Variants in DIP2C observed in about 807,000 individuals in gnomAD.
DIP2C encodes the protein DIP2 acetate--CoA ligase C (putative), also known as disco-interacting protein 2 homolog C.
DIP2C carries 33 observed loss-of-function variants against 192.4 expected under a neutral mutation model. That is an observed-to-expected ratio of 0.17 (90% CI 0.13 to 0.23). The LOEUF (loss-of-function observed/expected upper bound fraction) is 0.23. Ranked by LOEUF, DIP2C falls within the 10% of genes least tolerant of loss-of-function variation. DIP2C has a pLI of 1.00. For missense variants in DIP2C, 1,537 were observed against 2,110.1 expected (o/e 0.73, Z 5.32); for synonymous variants, 979 against 864.1 (o/e 1.13, Z -2.33).
intron 4 of DIP2C, among the ~76,000 whole-genome samples, chr10:431,455 A>C (rs990876325): frequency 6.6e-6 from 1 of 151,880 alleles, no homozygotes; most frequent in Admixed American, 6.6e-5. Flanking sequence ...TTTTTTTTAA[A>C]TTATTATTTT....
In DIP2C at chr10:379,410, T is replaced by C. The variant is rs117313222; in HGVS notation, c.1991+3237A>G. Among the ~76,000 whole-genome samples, 175 of 152,240 alleles carry C rather than the reference T, an allele frequency of 1.1e-3. No homozygotes were observed. In the East Asian group the frequency reaches 0.013, roughly 12 times the overall value. On this transcript the variant is annotated intron_variant, in intron 17 of 36. Transcript: ENST00000280886. ...TGTTTTGCATGACAGACATTCTATG[T>C]TGCTTGCAAGAGTGATATGAAGATA...
At chr10:557,135 C>A (rs768388424) in intron 1 of DIP2C, among the ~76,000 whole-genome samples, 3 of 152,226 alleles carry the variant, frequency 2.0e-5, no homozygotes, top group Non-Finnish European at 2.9e-5. Context: ...GACCAGCACT[C>A]CTATGTCTCT....
At chr10:595,203 T>TA in intron 1 of DIP2C, among the ~76,000 whole-genome samples, 1 of 152,022 alleles carries the variant, frequency 6.6e-6, no homozygotes, top group Admixed American at 6.6e-5. Flanking sequence ...ACAAAGAAAA[T>TA]ACTGTACAGC....
chr10:358,374 C>T (rs1959173680), intron 22 of DIP2C, among the ~76,000 whole-genome samples: 1 of 150,636 alleles, frequency 6.6e-6, no homozygotes, highest in Non-Finnish European at 1.5e-5. Context: ...GACAAACAGA[C>T]AGTGGACATT....
At chr10:531,221 TCA>T (rs1205451600) in intron 1 of DIP2C, among the ~76,000 whole-genome samples, 1 of 152,074 alleles carries the variant, frequency 6.6e-6, no homozygotes, top group Non-Finnish European at 1.5e-5. Context: ...CCGTAAACAT[TCA>T]GACATTCCAC....
chr10:602,585 G>A (rs1267820004), intron 1 of DIP2C, among the ~76,000 whole-genome samples: 1 of 152,130 alleles, frequency 6.6e-6, no homozygotes, highest in Non-Finnish European at 1.5e-5. Context: ...TGAGCAACAG[G>A]TCCTGGGGCA....
chr10:289,907 T>C (rs961306401), intron 32 of DIP2C, among the ~76,000 whole-genome samples: 4 of 152,192 alleles, frequency 2.6e-5, no homozygotes, highest in African/African-American at 4.8e-5. Context: ...CCTAGGGCTG[T>C]CTGCAGCCAG....
chr10:650,149 G>C lies in DIP2C; in HGVS notation c.85+39345C>G, dbSNP rs193136359. On this transcript the variant is annotated intron_variant, in intron 1 of 36. Transcript: ENST00000280886. ...GTTGGGACAAGGACCCCCCAGGAGA[G>C]AGAAGACCCCAGCAGAGTCAACACT... 160 of 717,438 alleles carry C rather than the reference G, an allele frequency of 2.2e-4. 1 individual carries two copies. The African/African-American group carries it at 2.4e-3, about 11-fold the overall frequency. 44.4% of individuals were successfully genotyped at this position (717,438 alleles called of 1,614,324 possible).
intron 19 of DIP2C, among the ~76,000 whole-genome samples, chr10:365,311 T>C (rs1293275572): frequency 2.6e-5 from 4 of 152,170 alleles, no homozygotes; most frequent in East Asian, 1.9e-4. Flanking sequence ...GATGGGAGGA[T>C]TGCTTGAGGC....
At chr10:407,346 T>C (rs1442996363) in intron 9 of DIP2C, among the ~76,000 whole-genome samples, 1 of 152,206 alleles carries the variant, frequency 6.6e-6, no homozygotes, top group Non-Finnish European at 1.5e-5. Flanking sequence ...TCCGTGGATT[T>C]GGGGTTGCTT....
chr10:540,081 T>C (rs1019555407), intron 1 of DIP2C, among the ~76,000 whole-genome samples: 1 of 152,234 alleles, frequency 6.6e-6, no homozygotes, highest in Non-Finnish European at 1.5e-5. Flanking sequence ...CCACTGCAAC[T>C]ACTGCTACTG....
At chr10:518,747 AGAC>A (rs1355556838) in intron 1 of DIP2C, among the ~76,000 whole-genome samples, 41 of 152,340 alleles carry the variant, frequency 2.7e-4, no homozygotes, top group African/African-American at 7.9e-4. Context: ...TAGCTGCCTG[AGAC>A]GACAATGCTC....
intron 31 of DIP2C, among the ~76,000 whole-genome samples, chr10:324,131 C>T (rs1469026697): frequency 1.3e-5 from 2 of 152,148 alleles, no homozygotes; most frequent in African/African-American, 4.8e-5. Flanking sequence ...CCTCTCACTG[C>T]TCGCTTTTAC....
chr10:521,799 G>A (rs188919086), intron 1 of DIP2C, among the ~76,000 whole-genome samples: 2 of 152,124 alleles, frequency 1.3e-5, no homozygotes, highest in African/African-American at 4.8e-5. Flanking sequence ...AGCGGTTTTC[G>A]GTTCATAGCA....
At chr10:414,747 A>ATATATATATATAATGTG in intron 7 of DIP2C, among the ~76,000 whole-genome samples, 1 of 119,968 alleles carries the variant, frequency 8.3e-6, no homozygotes, top group East Asian at 2.3e-4. Context: ...GTGTACATAT[A>ATATATATATATAATGTG]TATATATATA....
chr10:517,393 G>T (rs990890916), intron 1 of DIP2C, among the ~76,000 whole-genome samples: 4 of 152,174 alleles, frequency 2.6e-5, no homozygotes, highest in Admixed American at 6.5e-5. Flanking sequence ...TGAGTCAGCA[G>T]CTGTTTTCTG....
At chr10:390,679 CCG>C in intron 11 of DIP2C, 59 bp downstream of exon 11, 5 of 1,575,466 alleles carry the variant, frequency 3.2e-6, no homozygotes, top group Non-Finnish European at 4.3e-6. Flanking sequence ...TGACGTATTC[CCG>C]CACCCGTCTT....
chr10:580,298 T>C (rs1329509362), intron 1 of DIP2C, among the ~76,000 whole-genome samples: 1 of 152,160 alleles, frequency 6.6e-6, no homozygotes, highest in Non-Finnish European at 1.5e-5. Context: ...GCAGCATGCG[T>C]ACATTAGTGT....
chr10:496,092 C>G (rs978808109), intron 1 of DIP2C, among the ~76,000 whole-genome samples: 1 of 131,830 alleles, frequency 7.6e-6, no homozygotes, highest in Non-Finnish European at 1.7e-5. Flanking sequence ...ACAGAACCCA[C>G]GGTGCCCTCC....
Sources: allele counts gnomAD v4.1 joint callset (sites outside exome capture counted in the v4.1 genomes callset), GRCh38; gene constraint gnomAD v4.1.1; transcripts MANE v1.5; gene names NCBI Gene and HGNC (gene_info 2026-07-23, HGNC 2026-07-21).